ARHGEF9: variants seen among roughly 807,000 people sequenced by gnomAD.
The protein encoded by ARHGEF9 is Cdc42 guanine nucleotide exchange factor 9.
Under a neutral mutation model 41.3 loss-of-function variants are expected in ARHGEF9, and 2 were observed. That is an observed-to-expected ratio of 0.05 (90% CI 0.02 to 0.15). The LOEUF is 0.15. Among genes scored for constraint, ARHGEF9 ranks in the 10% least tolerant of loss-of-function variants. The probability of loss-of-function intolerance (pLI) is 1.00; values close to 1 mark genes in which losing one functional copy is unlikely to be tolerated. For synonymous variants in ARHGEF9, 160 were observed against 154.4 expected (o/e 1.04, Z -0.27); for missense variants, 225 against 424.7 (o/e 0.53, Z 4.13).
At chrX:63,706,847 T>C (rs1275132412) in intron 2 of ARHGEF9, among the ~76,000 whole-genome samples, 1 of 112,108 alleles carries the variant, frequency 8.9e-6, no homozygotes, top group African/African-American at 3.2e-5. Flanking sequence ...GAAAACAAAG[T>C]TTAGTGTTGA....
intron 1 of ARHGEF9, among the ~76,000 whole-genome samples, chrX:63,774,606 T>C (rs1195906412): frequency 9.0e-6 from 1 of 111,539 alleles, no homozygotes; most frequent in African/African-American, 3.3e-5. Context: ...TGATTCTTTA[T>C]CTTATGTTGT....
chrX:63,670,893 C>T (rs186571738), intron 6 of ARHGEF9, among the ~76,000 whole-genome samples: 1 of 111,644 alleles, frequency 9.0e-6, no homozygotes, highest in Admixed American at 9.5e-5. Context: ...GCAAAGAGAC[C>T]AAGAATGTTC....
intron 8 of ARHGEF9, among the ~76,000 whole-genome samples, chrX:63,646,649 G>C (rs1249998185): frequency 1.8e-5 from 2 of 112,075 alleles, no homozygotes; most frequent in Non-Finnish European, 3.8e-5. Context: ...AGTATAGTTT[G>C]AAGTCAGGTA....
intron 3 of ARHGEF9, among the ~76,000 whole-genome samples, chrX:63,700,771 T>C (rs1435325394): frequency 9.0e-6 from 1 of 110,959 alleles, no homozygotes; most frequent in Non-Finnish European, 1.9e-5. Flanking sequence ...TCAGGGCCCA[T>C]TGAAGGCCTG....
chrX:63,719,373 G>A (rs1215043726), intron 2 of ARHGEF9, among the ~76,000 whole-genome samples: 2 of 112,410 alleles, frequency 1.8e-5, no homozygotes, highest in Admixed American at 1.9e-4. Context: ...AAGTCCTCAA[G>A]TGTTAACAGT....
At chrX:63,721,687 A>G (rs1306954516) in intron 2 of ARHGEF9, among the ~76,000 whole-genome samples, 1 of 111,427 alleles carries the variant, frequency 9.0e-6, no homozygotes. Context: ...ATCATATCCT[A>G]GCAGTCTACC....
chrX:63,713,911 C>T (rs781835277), intron 2 of ARHGEF9, among the ~76,000 whole-genome samples: 2 of 111,623 alleles, frequency 1.8e-5, no homozygotes, highest in African/African-American at 3.3e-5. Context: ...TAATAACTCT[C>T]ACTAATTATA....
chrX:63,638,889 C>T (rs2047453521), intron 9 of ARHGEF9, among the ~76,000 whole-genome samples: 1 of 111,978 alleles, frequency 8.9e-6, no homozygotes, highest in South Asian at 3.7e-4. Flanking sequence ...ATGTGTGTGT[C>T]TTTTCAAACG....
intron 1 of ARHGEF9, among the ~76,000 whole-genome samples, chrX:63,782,424 A>G (rs1556462791): frequency 1.8e-5 from 2 of 112,314 alleles, no homozygotes; most frequent in Admixed American, 1.9e-4. Context: ...ATTTAGGCAT[A>G]CTGGCTAACC....
At chrX:63,690,568 C>T (rs1228597179) in intron 4 of ARHGEF9, among the ~76,000 whole-genome samples, 3 of 111,609 alleles carry the variant, frequency 2.7e-5, no homozygotes, top group Non-Finnish European at 5.7e-5. Context: ...TAAAAAAGAA[C>T]TGATAATAAT....
chrX:63,650,206 T>C (rs141133653), intron 8 of ARHGEF9, among the ~76,000 whole-genome samples: 1,121 of 111,636 alleles, frequency 0.01, 10 homozygotes, highest in African/African-American at 0.034. Flanking sequence ...GATATCAATA[T>C]ACCGAGGAAA....
In ARHGEF9 at chrX:63,761,333, G is replaced by A. The variant is rs782814255; in HGVS notation, c.30+23783C>T. Among the ~76,000 whole-genome samples, 11 of 111,660 alleles carry A rather than the reference G, an allele frequency of 9.9e-5. No homozygotes were observed. The South Asian group carries it at 4.1e-3, about 42-fold the overall frequency. ...TATTTTTATTGTTTATTGATTTATT[G>A]TCTCCTTTATAAAATGTAAGCTCCA... On this transcript the variant is annotated intron_variant, in intron 1 of 9. Transcript: ENST00000671741.
chrX:63,747,619 C>T (rs2055349880), intron 1 of ARHGEF9, among the ~76,000 whole-genome samples: 1 of 111,903 alleles, frequency 8.9e-6, no homozygotes, highest in Admixed American at 9.4e-5. Flanking sequence ...TGCCAGGAAA[C>T]CACTATGATC....
chrX:63,777,128 T>C (rs2056306873), intron 1 of ARHGEF9, among the ~76,000 whole-genome samples: 1 of 111,812 alleles, frequency 8.9e-6, no homozygotes, highest in African/African-American at 3.3e-5. Flanking sequence ...AGGAAAGAGG[T>C]GTAATTGACT....
intron 2 of ARHGEF9, among the ~76,000 whole-genome samples, chrX:63,711,057 A>T (rs782329122): frequency 8.9e-6 from 1 of 111,907 alleles, no homozygotes; most frequent in Non-Finnish European, 1.9e-5. Context: ...TAAGAAAATG[A>T]TCACATTTAA....
chrX:63,718,669 C>T (rs781942948), intron 2 of ARHGEF9, among the ~76,000 whole-genome samples: 1 of 112,029 alleles, frequency 8.9e-6, no homozygotes, highest in African/African-American at 3.3e-5. Flanking sequence ...CTCTTAAATA[C>T]CATCTTCCTA....
intron 1 of ARHGEF9, among the ~76,000 whole-genome samples, chrX:63,743,867 C>T (rs2055109528): frequency 8.9e-6 from 1 of 111,874 alleles, no homozygotes; most frequent in Non-Finnish European, 1.9e-5. Context: ...TGTGTGACTG[C>T]ATGGGAAATG....
At chrX:63,762,239 C>G (rs782100510) in intron 1 of ARHGEF9, among the ~76,000 whole-genome samples, 1 of 112,049 alleles carries the variant, frequency 8.9e-6, no homozygotes, top group East Asian at 2.8e-4. Context: ...GACACAATCA[C>G]TCATCATCAA....
At chrX:63,666,216 T>C (rs1314234478) in intron 6 of ARHGEF9, among the ~76,000 whole-genome samples, 199 bp from the exon 7 acceptor site, 2 of 107,531 alleles carry the variant, frequency 1.9e-5, no homozygotes, top group Non-Finnish European at 3.9e-5. Context: ...CATTTTCTTA[T>C]TCACCCCAAG....
Sources: gnomAD v4.1 joint callset for allele counts (sites outside exome capture counted in the v4.1 genomes callset) on GRCh38, gnomAD v4.1.1 for gene constraint, MANE v1.5 for transcripts, NCBI Gene and HGNC (gene_info 2026-07-23, HGNC 2026-07-21) for gene names.